AMMECR1: variants seen among roughly 807,000 people sequenced by gnomAD.
AMMECR1 encodes AMMECR nuclear protein 1, also known as nuclear protein AMMECR1.
AMMECR1 carries 3 observed loss-of-function variants against 22.5 expected under a neutral mutation model. That is an observed-to-expected ratio of 0.13 (90% CI 0.06 to 0.35). The LOEUF is 0.35. AMMECR1 is among the 10% of genes least tolerant of loss of function. The pLI is 1.00. For missense variants in AMMECR1, 235 were observed against 278.7 expected (o/e 0.84, Z 1.12); for synonymous variants, 130 against 116.7 (o/e 1.11, Z -0.74).
chrX:110,372,506 TTTAAC>T (rs2068346320), intron 2 of AMMECR1, among the ~76,000 whole-genome samples: 2 of 111,727 alleles, frequency 1.8e-5, no homozygotes, highest in East Asian at 2.8e-4. Flanking sequence ...TTGCTTTTTT[TTTAAC>T]TTAACAACAC....
chrX:110,285,456 G>A (rs2067874235), intron 1 of AMMECR1, among the ~76,000 whole-genome samples: 1 of 111,634 alleles, frequency 9.0e-6, no homozygotes, highest in African/African-American at 3.3e-5. Flanking sequence ...TTTCCTGGTG[G>A]TACCAAGTAA....
At chrX:110,206,222 C>A in intron 3 of AMMECR1, among the ~76,000 whole-genome samples, 1 of 111,902 alleles carries the variant, frequency 8.9e-6, no homozygotes, top group Middle Eastern at 4.6e-3. Context: ...ATCAATTTTG[C>A]TACACAGTAA....
intron 1 of AMMECR1, among the ~76,000 whole-genome samples, chrX:110,296,857 T>A (rs2067938837): frequency 9.0e-6 from 1 of 110,920 alleles, no homozygotes; most frequent in Non-Finnish European, 1.9e-5. Context: ...AGTAAGCACA[T>A]CTAGGCTTCC....
intron 1 of AMMECR1, among the ~76,000 whole-genome samples, chrX:110,279,718 T>C (rs1395124052): frequency 8.9e-6 from 1 of 112,078 alleles, no homozygotes; most frequent in Non-Finnish European, 1.9e-5. Context: ...ACTTTGTGTA[T>C]GTAAATAAAA....
chrX:110,290,576 G>A (rs2067902732), intron 1 of AMMECR1, among the ~76,000 whole-genome samples: 1 of 111,208 alleles, frequency 9.0e-6, no homozygotes, highest in Admixed American at 9.6e-5. Context: ...TGAGTCCAAT[G>A]ATGTAAGTTT....
chrX:110,232,865 G>T (rs1368639246), intron 2 of AMMECR1, among the ~76,000 whole-genome samples: 2 of 92,941 alleles, frequency 2.2e-5, no homozygotes, highest in South Asian at 5.7e-4. Context: ...ACTCCAGCCT[G>T]GGTGACAGAG....
intron 3 of AMMECR1, among the ~76,000 whole-genome samples, chrX:110,210,320 T>C (rs1475708875): frequency 9.1e-6 from 1 of 110,204 alleles, no homozygotes; most frequent in Non-Finnish European, 1.9e-5. Flanking sequence ...TGACATCTTA[T>C]AAAAAAACTC....
chrX:110,409,769 G>A (rs2068628850), intron 2 of AMMECR1, among the ~76,000 whole-genome samples: 1 of 111,215 alleles, frequency 9.0e-6, no homozygotes, highest in Admixed American at 9.5e-5. Flanking sequence ...CAGGGCTCCT[G>A]ATAAGAGAAT....
intron 2 of AMMECR1, among the ~76,000 whole-genome samples, chrX:110,362,736 A>G (rs1433627771): frequency 1.8e-5 from 2 of 112,075 alleles, no homozygotes; most frequent in African/African-American, 6.5e-5. Flanking sequence ...TACAGGCACT[A>G]AAGATATCCT....
chrX:110,312,277 C>T (rs753155135), intron 1 of AMMECR1, among the ~76,000 whole-genome samples: 6 of 112,706 alleles, frequency 5.3e-5, no homozygotes, highest in Admixed American at 2.8e-4. Context: ...ATTTATAACA[C>T]AAATTTGGTT....
At chrX:110,204,445 G>C (rs2067412192) in intron 3 of AMMECR1, among the ~76,000 whole-genome samples, 1 of 110,910 alleles carries the variant, frequency 9.0e-6, no homozygotes, top group African/African-American at 3.3e-5. Flanking sequence ...AACTGGCAAG[G>C]GGTGGGGAGC....
chrX:110,406,691 C>T (rs910974575), intron 2 of AMMECR1, among the ~76,000 whole-genome samples: 3 of 112,065 alleles, frequency 2.7e-5, no homozygotes, highest in South Asian at 7.5e-4. Flanking sequence ...GTGTCTTCCA[C>T]GATATTTGAA....
At chrX:110,238,202 T>C (rs2067611553) in intron 2 of AMMECR1, among the ~76,000 whole-genome samples, 1 of 112,236 alleles carries the variant, frequency 8.9e-6, no homozygotes, top group Admixed American at 9.4e-5. Context: ...CAAAACTACT[T>C]TTTAAATAAA....
intron 5 of AMMECR1, among the ~76,000 whole-genome samples, chrX:110,200,383 T>G (rs951824604): frequency 1.2e-4 from 13 of 112,352 alleles, no homozygotes; most frequent in Admixed American, 1.0e-3. Context: ...TTTTAGACTA[T>G]AAGCATTCAA....
rs185059545 is a variant in AMMECR1 at position 110,325,703 on chromosome X, C to A, written c.-147-7854G>T. ...TTTTTTTGTCTAACTAAAGACTTGT[C>A]AATTTTACTGTTCTTTTTAAAGAAC... On this transcript the variant is annotated intron_variant, in intron 2 of 7. Coordinates refer to the AMMECR1 transcript ENST00000372057. Among the ~76,000 whole-genome samples, 508 of 111,571 alleles carry A rather than the reference C, an allele frequency of 4.6e-3. 4 individuals are homozygous for A. The highest frequency in any genetic ancestry group is 0.016 in the African/African-American group (489 of 30,746).
upstream of AMMECR1, among the ~76,000 whole-genome samples, chrX:110,319,571 G>C (rs2068071142): frequency 8.9e-6 from 1 of 112,285 alleles, no homozygotes; most frequent in Non-Finnish European, 1.9e-5. Flanking sequence ...CACATAATCA[G>C]ATAAATAGCT....
At chrX:110,262,150 A>G (rs892774237) in intron 2 of AMMECR1, among the ~76,000 whole-genome samples, 4 of 112,037 alleles carry the variant, frequency 3.6e-5, no homozygotes, top group African/African-American at 1.3e-4. Context: ...ACTCCTTACA[A>G]CTTTTGATGC....
At chrX:110,335,953 TG>T (rs1234800078) in intron 2 of AMMECR1, among the ~76,000 whole-genome samples, 1 of 111,668 alleles carries the variant, frequency 9.0e-6, no homozygotes, top group East Asian at 2.8e-4. Context: ...GGTAACTTTA[TG>T]GGGGATTACC....
chrX:110,300,843 G>T (rs898331471), intron 1 of AMMECR1, among the ~76,000 whole-genome samples: 1 of 111,562 alleles, frequency 9.0e-6, no homozygotes, highest in African/African-American at 3.3e-5. Context: ...AATATGTTTA[G>T]ATAAATGCTT....
Sources: allele counts gnomAD v4.1 joint callset (sites outside exome capture counted in the v4.1 genomes callset), GRCh38; gene constraint gnomAD v4.1.1; transcripts MANE v1.5; gene names NCBI Gene and HGNC (gene_info 2026-07-23, HGNC 2026-07-21).